The following TPST1 variants were observed in gnomAD, a reference collection of about 807,000 sequenced individuals.
The protein encoded by TPST1 is tyrosylprotein sulfotransferase 1.
A neutral mutation model predicts 34.8 loss-of-function variants in TPST1; 20 were observed. That is an observed-to-expected ratio of 0.57 (90% CI 0.40 to 0.84). TPST1 has a LOEUF of 0.84. Ranked by LOEUF, TPST1 falls within the 40% of genes least tolerant of loss-of-function variation. The pLI is 0.00. For missense variants in TPST1, 353 were observed against 455.5 expected (o/e 0.78, Z 2.05); for synonymous variants, 152 against 159.4 (o/e 0.95, Z 0.35).
chr7:66,276,409 T>C (rs62468670), intron 2 of TPST1, among the ~76,000 whole-genome samples: 6,971 of 144,326 alleles, frequency 0.048, 338 homozygotes, highest in East Asian at 0.15. Context: ...AGCCTCACTT[T>C]GTCTCCCAGG....
intron 3 of TPST1, among the ~76,000 whole-genome samples, chr7:66,305,230 CA>C (rs1207815837): frequency 6.6e-6 from 1 of 152,070 alleles, no homozygotes; most frequent in Non-Finnish European, 1.5e-5. Context: ...GAATATCTGC[CA>C]AACTATTGTA....
At position 66,360,055 on chromosome 7, in the gene TPST1, G is replaced by T; in HGVS notation, c.*190G>T. The T allele has an allele frequency of 2.3e-6, 1 of 433,134 alleles. No individual in the cohort carries two copies. Among genetic ancestry groups the T allele is most frequent in the Non-Finnish European group, 4.7e-6 (1 of 211,842 alleles). 26.8% of individuals were successfully genotyped at this position (433,134 alleles called of 1,614,324 possible). On this transcript the variant is annotated 3_prime_UTR_variant, in exon 6 of 6. Coordinates refer to ENST00000304842, the MANE Select transcript of TPST1 (RefSeq NM_003596.4). ...TCCGCACAGCTTTGGGCCTCGTGAG[G>T]GATCTGCCTCCTGAGCAAAGAGCTC...
intron 2 of TPST1, among the ~76,000 whole-genome samples, chr7:66,282,728 GAGTTTCAATGTGGAATGT>G (rs1266657128): frequency 3.9e-5 from 6 of 152,220 alleles, no homozygotes; most frequent in Admixed American, 2.6e-4. Context: ...GCAACTCTGA[GAGTTTCAATGTGGAATGT>G]TTGTGTGGCT....
upstream of TPST1, among the ~76,000 whole-genome samples, chr7:66,201,295 C>T (rs569061831): frequency 2.0e-5 from 3 of 151,568 alleles, no homozygotes; most frequent in Non-Finnish European, 4.4e-5. Context: ...TATAATCCCA[C>T]CACTTTGGGA....
At chr7:66,212,723 G>A (rs1251212731) in intron 1 of TPST1, among the ~76,000 whole-genome samples, 2 of 152,142 alleles carry the variant, frequency 1.3e-5, no homozygotes, top group African/African-American at 4.8e-5. Flanking sequence ...GCCTCCCAAA[G>A]TGCTGAGGTG....
intron 2 of TPST1, among the ~76,000 whole-genome samples, chr7:66,285,991 T>C (rs569216529): frequency 5.3e-5 from 8 of 152,176 alleles, no homozygotes; most frequent in Non-Finnish European, 1.2e-4. Context: ...TTGGCAGTTT[T>C]CCCCCAACAT....
rs972669326 is a variant in TPST1, at chr7:66,360,181, T to C, written c.*316T>C. 1.3e-5 allele frequency: 4 copies of C among 315,458 alleles called. No individual in the cohort carries two copies. Among genetic ancestry groups the C allele is most frequent in the Non-Finnish European group, 2.5e-5 (4 of 158,376 alleles). 19.5% of individuals were successfully genotyped at this position (315,458 alleles called of 1,614,324 possible). On this transcript the variant is annotated 3_prime_UTR_variant, in exon 6 of 6. Coordinates refer to ENST00000304842, the MANE Select transcript of TPST1 (RefSeq NM_003596.4). ...GTTCTCTTTTCTTACATTATGACGT[T>C]TGTTTTCAAGGAGAGGGTTTAAAAA...
At position 66,338,668 on chromosome 7, in the gene TPST1, C is replaced by T. The variant is rs1412725807; in HGVS notation, c.1045-13837C>T. Among the ~76,000 whole-genome samples the T allele has an allele frequency of 2.6e-5, 4 of 152,100 alleles. No individual in the cohort carries two copies. In the South Asian group the frequency reaches 6.2e-4, roughly 24 times the overall value. ...AACTAGAAATCTATAATCAGAGGAA[C>T]ATTGGAAACAGTACAAATTAATGGA... On this transcript the variant is annotated intron_variant, in intron 3 of 5. Transcript: ENST00000304842.
chr7:66,314,058 A>T (rs1791585525), intron 3 of TPST1, among the ~76,000 whole-genome samples: 1 of 151,994 alleles, frequency 6.6e-6, no homozygotes, highest in African/African-American at 2.4e-5. Context: ...CTTGATTATT[A>T]TTCGGGTTAT....
intron 2 of TPST1, among the ~76,000 whole-genome samples, chr7:66,279,429 C>T (rs2115876607): frequency 6.6e-6 from 1 of 152,258 alleles, no homozygotes; most frequent in Middle Eastern, 3.4e-3. Flanking sequence ...GATTTATATT[C>T]CTGTGGGTAT....
chr7:66,345,944 A>AC (rs1446924140), intron 3 of TPST1, among the ~76,000 whole-genome samples: 1 of 151,882 alleles, frequency 6.6e-6, no homozygotes, highest in Non-Finnish European at 1.5e-5. Flanking sequence ...ATATTTTTGT[A>AC]CCCTATAATT....
intron 2 of TPST1, among the ~76,000 whole-genome samples, chr7:66,270,411 A>G (rs1200527261): frequency 6.6e-6 from 1 of 152,202 alleles, no homozygotes; most frequent in African/African-American, 2.4e-5. Context: ...CATGTACCCT[A>G]TCCCAAACTA....
chr7:66,259,708 T>C (rs1435731783), intron 2 of TPST1, among the ~76,000 whole-genome samples: 2 of 152,122 alleles, frequency 1.3e-5, no homozygotes, highest in Non-Finnish European at 2.9e-5. Context: ...TCCCCCAATA[T>C]CAGTATCCTA....
intron 3 of TPST1, among the ~76,000 whole-genome samples, chr7:66,295,127 G>A (rs1791166907): frequency 6.6e-6 from 1 of 151,948 alleles, no homozygotes; most frequent in African/African-American, 2.4e-5. Context: ...TTTAAGGTAG[G>A]ATCAATAAAA....
intron 1 of TPST1, among the ~76,000 whole-genome samples, chr7:66,207,952 T>G (rs1789165650): frequency 6.6e-6 from 1 of 152,128 alleles, no homozygotes; most frequent in Non-Finnish European, 1.5e-5. Flanking sequence ...AGATCTTTTT[T>G]TTTCCTCTCT....
At chr7:66,335,942 T>C (rs1792109816) in intron 3 of TPST1, among the ~76,000 whole-genome samples, 1 of 152,048 alleles carries the variant, frequency 6.6e-6, no homozygotes, top group Non-Finnish European at 1.5e-5. Context: ...CCAACAAAGC[T>C]CCACCAGTGG....
Position 66,332,867 on chromosome 7 carries a change from C to A in TPST1, c.1045-19638C>A, listed in dbSNP as rs1404663967. On this transcript the variant is annotated intron_variant, in intron 3 of 5. Transcript: ENST00000304842. The surrounding 1 kb of genome is among the most constrained non-coding windows in gnomAD (Gnocchi z 4.5). ...CACCATTTTATATAAGGCACTTGAGCACCTGTGGATTTTGTTATTCACAGG... is the reference window on the plus strand; with the variant it reads ...CACCATTTTATATAAGGCACTTGAGAACCTGTGGATTTTGTTATTCACAGG... Among the ~76,000 whole-genome samples the A allele has an allele frequency of 6.6e-6, 1 of 152,086 alleles. No homozygotes were observed. The highest frequency in any genetic ancestry group is 2.4e-5 in the African/African-American group (1 of 41,412).
At chr7:66,222,266 TC>T (rs2116293784) in intron 1 of TPST1, among the ~76,000 whole-genome samples, 1 of 152,038 alleles carries the variant, frequency 6.6e-6, no homozygotes, top group South Asian at 2.1e-4. Flanking sequence ...GCACCTGTAG[TC>T]CCAGCTACTG....
intron 2 of TPST1, among the ~76,000 whole-genome samples, chr7:66,278,532 C>G (rs1308031344): frequency 6.6e-6 from 1 of 152,076 alleles, no homozygotes; most frequent in Non-Finnish European, 1.5e-5. Flanking sequence ...CGCCTGTAAT[C>G]CCAGCACTTT....
Sources: allele counts gnomAD v4.1 joint callset (sites outside exome capture counted in the v4.1 genomes callset), GRCh38; gene constraint gnomAD v4.1.1; non-coding constraint Gnocchi (gnomAD v3.1); transcripts MANE v1.5; gene names NCBI Gene and HGNC (gene_info 2026-07-23, HGNC 2026-07-21).